Variants in FHOD3 observed in about 807,000 individuals in gnomAD.
FHOD3 encodes the protein FH1/FH2 domain-containing protein 3.
Under a neutral mutation model 173.0 loss-of-function variants are expected in FHOD3, and 90 were observed. That is an observed-to-expected ratio of 0.52 (90% confidence interval 0.44 to 0.62). The LOEUF (loss-of-function observed/expected upper bound fraction) is 0.62, where lower values mean the gene tolerates loss of function less well. Ranked by LOEUF, FHOD3 falls within the 20% of genes least tolerant of loss-of-function variation. The pLI is 0.00. For missense variants in FHOD3, 1,945 were observed against 2,034.7 expected (o/e 0.96, Z 0.85); for synonymous variants, 828 against 823.0 (o/e 1.01, Z -0.10).
Position 36,602,678 on chromosome 18 carries a change from C to T in FHOD3, c.723C>T (p.Val241=). Residue 241 remains valine, a synonymous_variant, in exon 8 of 29, where the codon GTC becomes GTT. Coordinates refer to ENST00000590592, the MANE Select transcript of FHOD3 (RefSeq NM_001281740.3). ...AVTAVDTKRG[V]KPWSNIMEIL... ...TGATTTTTGCTTTACTCATAGGGGT[C>T]AAACCTTGGTCAAATATCATGGAAA... 4 of 1,613,530 alleles carry T rather than the reference C, an allele frequency of 2.5e-6. No individual in the cohort carries two copies. Among genetic ancestry groups the T allele is most frequent in the Non-Finnish European group, 3.4e-6 (4 of 1,179,464 alleles).
intron 1 of FHOD3, among the ~76,000 whole-genome samples, chr18:36,331,649 A>G (rs1446846075): frequency 6.6e-6 from 1 of 152,224 alleles, no homozygotes; most frequent in African/African-American, 2.4e-5. Flanking sequence ...GAAGGGGTTC[A>G]GTTCTTGTTG....
chr18:36,539,215 C>T (rs1179603416), intron 5 of FHOD3, among the ~76,000 whole-genome samples: 1 of 152,054 alleles, frequency 6.6e-6, no homozygotes, highest in Non-Finnish European at 1.5e-5. Flanking sequence ...ATGATCAGAC[C>T]CACTTTTGAA....
At chr18:36,693,179 G>T in intron 16 of FHOD3, 30 bp from the exon 17 acceptor site, 2 of 1,596,662 alleles carry the variant, frequency 1.3e-6, no homozygotes, top group South Asian at 2.3e-5. Context: ...TCTTTCGTTT[G>T]ACGGAAACCC....
intron 20 of FHOD3, 60 bp downstream of exon 20, chr18:36,730,864 C>A: frequency 1.4e-6 from 2 of 1,480,510 alleles, no homozygotes; most frequent in Non-Finnish European, 1.9e-6. Flanking sequence ...GTATAATATG[C>A]TGCATGTCCA....
At chr18:36,653,064 T>C (rs560817029) in intron 12 of FHOD3, 135 bp downstream of exon 12, 84 of 1,216,168 alleles carry the variant, frequency 6.9e-5, no homozygotes, top group Non-Finnish European at 8.8e-5. Context: ...AGTTGTGGCA[T>C]AAACTTAAGT....
At chr18:36,518,983 C>T (rs1049845501) in intron 5 of FHOD3, among the ~76,000 whole-genome samples, 14 of 152,208 alleles carry the variant, frequency 9.2e-5, no homozygotes, top group Non-Finnish European at 1.3e-4. Flanking sequence ...CAGCCTGTAA[C>T]TCCCTGGGAG....
At chr18:36,683,932 A>G (rs184887717) in intron 15 of FHOD3, among the ~76,000 whole-genome samples, 1 of 152,364 alleles carries the variant, frequency 6.6e-6, no homozygotes, top group East Asian at 1.9e-4. Flanking sequence ...CAGGGAAAGT[A>G]AAGCCCAAGC....
chr18:36,454,375 G>A (rs1275046915), intron 3 of FHOD3, among the ~76,000 whole-genome samples: 1 of 151,954 alleles, frequency 6.6e-6, no homozygotes, highest in Non-Finnish European at 1.5e-5. Flanking sequence ...GCGCATATAG[G>A]AGCACACACA....
chr18:36,591,298 T>G (rs2059208083), intron 6 of FHOD3, among the ~76,000 whole-genome samples: 1 of 152,130 alleles, frequency 6.6e-6, no homozygotes, highest in Non-Finnish European at 1.5e-5. Flanking sequence ...CAGCTCCCTG[T>G]GTGGGGAGGA....
At chr18:36,329,125 TA>T (rs2044839364) in intron 1 of FHOD3, among the ~76,000 whole-genome samples, 1 of 152,148 alleles carries the variant, frequency 6.6e-6, no homozygotes, top group Non-Finnish European at 1.5e-5. Flanking sequence ...GGGTCTTACC[TA>T]AAAACCACTT....
At chr18:36,543,917 G>A (rs190697313) in intron 5 of FHOD3, among the ~76,000 whole-genome samples, 90 of 152,266 alleles carry the variant, frequency 5.9e-4, no homozygotes, top group Middle Eastern at 3.4e-3. Flanking sequence ...TAGGAACTTC[G>A]TATCTGAACA....
chr18:36,424,196 G>A (rs2050130266), intron 3 of FHOD3, among the ~76,000 whole-genome samples: 1 of 152,080 alleles, frequency 6.6e-6, no homozygotes, highest in Non-Finnish European at 1.5e-5. Flanking sequence ...ACAATTACAA[G>A]CCTTTCCGAT....
At chr18:36,390,606 C>T (rs914862904) in intron 3 of FHOD3, among the ~76,000 whole-genome samples, 11 of 152,168 alleles carry the variant, frequency 7.2e-5, no homozygotes, top group African/African-American at 1.2e-4. Flanking sequence ...ATGTAACAAA[C>T]GTGAGGCAAT....
At chr18:36,444,222 A>AT (rs553481970) in intron 3 of FHOD3, among the ~76,000 whole-genome samples, 352 of 151,388 alleles carry the variant, frequency 2.3e-3, no homozygotes, top group Middle Eastern at 6.8e-3. Context: ...AGAATTGTAA[A>AT]TTTTTTTCAA....
chr18:36,339,088 C>G (rs1322000415), intron 1 of FHOD3, among the ~76,000 whole-genome samples: 2 of 152,148 alleles, frequency 1.3e-5, no homozygotes, highest in African/African-American at 2.4e-5. Context: ...CAGGTTCCTG[C>G]ATCAGATCAC....
chr18:36,360,564 C>T (rs568307193), intron 2 of FHOD3, among the ~76,000 whole-genome samples: 1 of 152,182 alleles, frequency 6.6e-6, no homozygotes, highest in South Asian at 2.1e-4. Flanking sequence ...TGCAGAGTCC[C>T]ATCTGCAGGG....
At chr18:36,740,929 T>A in intron 21 of FHOD3, 91 bp downstream of exon 21, 1 of 1,276,258 alleles carries the variant, frequency 7.8e-7, no homozygotes, top group Non-Finnish European at 1.1e-6. Flanking sequence ...CAGTGAAATA[T>A]CATTCTTGGC....
chr18:36,760,840 G>T (rs925654081), intron 27 of FHOD3, 58 bp downstream of exon 27: 2 of 1,507,320 alleles, frequency 1.3e-6, no homozygotes, highest in Non-Finnish European at 8.9e-7. Context: ...CTCTGGGGGG[G>T]TCCGGTCTCC....
At chr18:36,356,629 TTA>T (rs533595422) in intron 2 of FHOD3, among the ~76,000 whole-genome samples, 4 of 150,538 alleles carry the variant, frequency 2.7e-5, no homozygotes, top group Admixed American at 6.6e-5. Context: ...CCAGCTAATT[TTA>T]TATATATATA....
Sources: gnomAD v4.1 joint callset for allele counts (sites outside exome capture counted in the v4.1 genomes callset) on GRCh38, gnomAD v4.1.1 for gene constraint, MANE v1.5 for transcripts, NCBI Gene and HGNC (gene_info 2026-07-23, HGNC 2026-07-21) for gene names.